Variants in ZFPM1 observed in about 807,000 individuals in gnomAD.
ZFPM1 encodes the protein zinc finger protein ZFPM1.
In ZFPM1, 28 loss-of-function variants were observed where a neutral mutation model predicts 46.3. That is an observed-to-expected ratio of 0.60 (90% CI 0.45 to 0.83). The LOEUF is 0.83. ZFPM1 is among the 40% of genes least tolerant of loss of function. The probability of loss-of-function intolerance (pLI) is 0.00; values close to 1 mark genes in which losing one functional copy is unlikely to be tolerated. For missense variants in ZFPM1, 1,878 were observed against 1,432.4 expected (o/e 1.31, Z -5.02); for synonymous variants, 957 against 675.9 (o/e 1.42, Z -6.45).
In ZFPM1 at chr16:88,453,667, G is replaced by A. The variant is rs1267611861; in HGVS notation, c.29G>A (p.Arg10Gln). 1.6e-5 allele frequency: 19 copies of A among 1,200,278 alleles called. No individual in the cohort carries two copies. Among genetic ancestry groups the A allele is most frequent in the Middle Eastern group, 2.8e-4 (1 of 3,534 alleles). The allele number at this position is 1,200,278 out of a possible 1,614,324, so 74.4% of individuals were successfully genotyped here. ...TCCAGGCGGAAACAGAGCAACCCCC[G>A]GCAGATCAAGCGTGAGTCAAACTTT... MSRRKQSNP[R>Q]QIKRSLGDME... Residue 10 changes from arginine to glutamine, a missense_variant, in exon 1 of 10, where the codon CGG becomes CAG. Transcript: ENST00000319555.
intron 1 of ZFPM1, 75 bp from the exon 2 acceptor site, chr16:88,485,864 A>T: frequency 2.8e-6 from 4 of 1,434,802 alleles, no homozygotes; most frequent in Admixed American, 3.5e-5. Flanking sequence ...GGCTGTACCT[A>T]TGCCAGGAGG....
chr16:88,466,533 G>A (rs1346589728), intron 1 of ZFPM1, among the ~76,000 whole-genome samples: 1 of 152,234 alleles, frequency 6.6e-6, no homozygotes, highest in African/African-American at 2.4e-5. Context: ...CAGGGAGAAA[G>A]GCCAAGCACA....
intron 1 of ZFPM1, among the ~76,000 whole-genome samples, chr16:88,465,110 C>T (rs978694745): frequency 3.3e-5 from 5 of 152,202 alleles, no homozygotes; most frequent in African/African-American, 1.2e-4. Flanking sequence ...TCTTTTGGCC[C>T]CTGGGCCAGA....
intron 3 of ZFPM1, among the ~76,000 whole-genome samples, chr16:88,498,532 C>G (rs1910069922): frequency 6.6e-6 from 1 of 152,246 alleles, no homozygotes; most frequent in Non-Finnish European, 1.5e-5. Context: ...CCTCCGGGAT[C>G]TGCTCCTTGG....
At chr16:88,490,908 A>G (rs1045667248) in intron 3 of ZFPM1, among the ~76,000 whole-genome samples, 5 of 152,162 alleles carry the variant, frequency 3.3e-5, no homozygotes, top group African/African-American at 1.2e-4. Flanking sequence ...TGGGGGTTCC[A>G]GGCGCCATGG....
chr16:88,488,267 T>C (rs1231473278), intron 2 of ZFPM1, among the ~76,000 whole-genome samples: 1 of 149,922 alleles, frequency 6.7e-6, no homozygotes. Flanking sequence ...GCTCCTTATC[T>C]GATCTAGGAG....
chr16:88,483,116 G>T (rs1021513104), intron 1 of ZFPM1, among the ~76,000 whole-genome samples: 5 of 152,132 alleles, frequency 3.3e-5, no homozygotes, highest in Non-Finnish European at 7.4e-5. Flanking sequence ...GCTGGCTCCT[G>T]TGTGGTCTGA....
rs138282134 is a variant in ZFPM1 at position 88,465,778 on chromosome 16, G to A, written c.40+12100G>A. On this transcript the variant is annotated intron_variant, in intron 1 of 9. Coordinates refer to ENST00000319555, the MANE Select transcript of ZFPM1 (RefSeq NM_153813.3). ...CCAGATGGGACTCAGGTGCCATCGC[G>A]GCGTCTGTCTGGATAAAGCCGCCTC... is the stretch of plus-strand genomic sequence containing the variant. Among the ~76,000 whole-genome samples the A allele has an allele frequency of 1.6e-3, 237 of 152,310 alleles. 2 individuals carry two copies. Among genetic ancestry groups the A allele is most frequent in the African/African-American group, 5.4e-3 (225 of 41,566 alleles).
chr16:88,482,635 C>T (rs1466751284), intron 1 of ZFPM1, among the ~76,000 whole-genome samples: 2 of 152,286 alleles, frequency 1.3e-5, no homozygotes, highest in East Asian at 3.9e-4. Context: ...GCTGTGTCTC[C>T]TGTGGGCCCC....
intron 3 of ZFPM1, among the ~76,000 whole-genome samples, chr16:88,501,728 CGGGTG>C (rs1910349483): frequency 7.5e-6 from 1 of 134,060 alleles, no homozygotes; most frequent in African/African-American, 2.8e-5. Flanking sequence ...ATGGAGGTAA[CGGGTG>C]TGGGTGCCGG....
intron 3 of ZFPM1, among the ~76,000 whole-genome samples, chr16:88,514,143 C>T (rs1371550170): frequency 6.6e-6 from 1 of 152,162 alleles, no homozygotes; most frequent in Admixed American, 6.5e-5. Flanking sequence ...TCGCAGGGCT[C>T]ACAGCTCGCT....
chr16:88,534,734 C>G lies in ZFPM1; in HGVS notation c.2776C>G (p.Gln926Glu), dbSNP rs1332965315. ...CCGGGACGGCCTCGGCCCGGAGCCCCAGGAGCCGCCGCCCGGCCCGCCCCC... is the reference window on the plus strand; with the variant it reads ...CCGGGACGGCCTCGGCCCGGAGCCCGAGGAGCCGCCGCCCGGCCCGCCCCC... ...GPRDGLGPEPQEPPPGPPPSP... is the reference protein window; with the variant it reads ...GPRDGLGPEPEEPPPGPPPSP... Residue 926 changes from glutamine (Q) to glutamate (E), a missense_variant, in exon 10 of 10, where the codon CAG (glutamine) becomes GAG (glutamate). By Grantham distance (29) the Gln-to-Glu change is conservative. Transcript: ENST00000319555. 3.0e-6 allele frequency: 3 copies of G among 985,924 alleles called. No homozygotes were observed. The highest frequency in any genetic ancestry group is 1.8e-5 in the African/African-American group (1 of 56,254). The allele number at this position is 985,924 out of a possible 1,614,324, so 61.1% of individuals were successfully genotyped here.
rs981647116 is a variant in ZFPM1, at chr16:88,485,830, T to C, written c.41-109T>C. On this transcript the variant is annotated intron_variant, in intron 1 of 9. Coordinates refer to ENST00000319555, the MANE Select transcript of ZFPM1 (RefSeq NM_153813.3). ...GAGGGATGACCCTCACCCCCACCCATTGCCATTTCCGCCTGGGCACCGGGG... is the reference window on the plus strand; with the variant it reads ...GAGGGATGACCCTCACCCCCACCCACTGCCATTTCCGCCTGGGCACCGGGG... 1.5e-5 allele frequency: 15 copies of C among 983,082 alleles called. No individual in the cohort carries two copies. The Admixed American group carries it at 1.9e-4, about 12-fold the overall frequency. 60.9% of individuals were successfully genotyped at this position (983,082 alleles called of 1,614,324 possible). A position where few individuals can be genotyped will look rare whatever the true frequency, so the allele number is the denominator to read the frequency against.
chr16:88,489,958 C>T (rs1268730440), intron 3 of ZFPM1, among the ~76,000 whole-genome samples: 2 of 84,666 alleles, frequency 2.4e-5, no homozygotes, highest in Non-Finnish European at 4.9e-5. Flanking sequence ...CCAGCAGAGG[C>T]GGGGTGGGGG....
At position 88,533,325 on chromosome 16, in the gene ZFPM1, C is replaced by G; in HGVS notation, c.1367C>G (p.Pro456Arg). The change falls in exon 10 of 10, where the codon CCG becomes CGG. Residue 456 changes from proline to arginine, a missense_variant. Physicochemically the swap from Pro to Arg is moderately radical, Grantham distance 103. Coordinates refer to ENST00000319555, the MANE Select transcript of ZFPM1 (RefSeq NM_153813.3). ...CAGAATGGAGGCAGCAGCGAGCCCC[C>G]GGCGGCCCCCAGGAGCATCAAGGTG... ...LAQNGGSSEP[P>R]AAPRSIKVEA... 6.5e-7 allele frequency: 1 copy of G among 1,532,080 alleles called. No individual in the cohort carries two copies. The highest frequency in any genetic ancestry group is 8.7e-7 in the Non-Finnish European group (1 of 1,143,542). 94.9% of individuals were successfully genotyped at this position (1,532,080 alleles called of 1,614,324 possible).
rs527947234 is a variant in ZFPM1 at position 88,519,467 on chromosome 16, G to A, written c.402+4947G>A. ...TGCATGGTGGATGGATAACCAGGTGGATGGATGGATAGACATATGGGTGGA... is the reference window on the plus strand; with the variant it reads ...TGCATGGTGGATGGATAACCAGGTGAATGGATGGATAGACATATGGGTGGA... On this transcript the variant is annotated intron_variant, in intron 4 of 9. Coordinates refer to ENST00000319555, the MANE Select transcript of ZFPM1 (RefSeq NM_153813.3). Among the ~76,000 whole-genome samples the A allele has an allele frequency of 3.4e-4, 51 of 151,628 alleles. 1 individual carries two copies. In the South Asian group the frequency reaches 0.01, roughly 30 times the overall value.
chr16:88,479,501 G>A (rs1004730880), intron 1 of ZFPM1, among the ~76,000 whole-genome samples: 4 of 152,072 alleles, frequency 2.6e-5, no homozygotes, highest in South Asian at 2.1e-4. Flanking sequence ...GTCACCTTGC[G>A]CTCCCATAGC....
At chr16:88,489,286 T>A (rs571909852) in intron 3 of ZFPM1, 133 bp downstream of exon 3, 2 of 1,365,352 alleles carry the variant, frequency 1.5e-6, no homozygotes, top group Non-Finnish European at 1.9e-6. Context: ...GGCCTGTGCC[T>A]AGTCCAAAGC....
At chr16:88,453,147 G>C (rs956804965), upstream of ZFPM1, among the ~76,000 whole-genome samples, 1 of 148,864 alleles carries the variant, frequency 6.7e-6, no homozygotes, top group Non-Finnish European at 1.5e-5. Flanking sequence ...CGGGGGCGTG[G>C]CCGCGGCGCT....
Sources: gnomAD v4.1 joint callset for allele counts (sites outside exome capture counted in the v4.1 genomes callset) on GRCh38, gnomAD v4.1.1 for gene constraint, MANE v1.5 for transcripts, NCBI Gene and HGNC (gene_info 2026-07-23, HGNC 2026-07-21) for gene names.